The following EXD3 variants were observed in gnomAD, a reference collection of about 807,000 sequenced individuals.
EXD3 encodes exonuclease 3'-5' domain containing 3, also known as exonuclease mut-7 homolog.
EXD3 carries 92 observed loss-of-function variants against 98.0 expected under a neutral mutation model. The observed-to-expected ratio is 0.94, with a 90% CI of 0.79 to 1.12. The LOEUF (loss-of-function observed/expected upper bound fraction) is 1.12, where lower values mean the gene tolerates loss of function less well. Among genes scored for constraint, EXD3 ranks in the 50% most tolerant of loss-of-function variants. The pLI, the probability that EXD3 is intolerant of heterozygous loss-of-function variation, is 0.00. For missense variants in EXD3, 1,222 were observed against 1,191.6 expected (o/e 1.03, Z -0.38); for synonymous variants, 569 against 526.0 (o/e 1.08, Z -1.12).
rs1289998493 is a variant in EXD3 at position 137,407,671 on chromosome 9, C to T, written c.-47-12267G>A. On this transcript the variant is annotated intron_variant, in intron 1 of 21. Transcript: ENST00000340951. The surrounding 1 kb of genome is among the most constrained non-coding windows in gnomAD (Gnocchi z 4.4). ...CCCCAGACACACCCACGGCCGTCCA[C>T]CATCCAAGCATAAACCCCAACGCAG... is the stretch of plus-strand genomic sequence containing the variant. Among the ~76,000 whole-genome samples the T allele has an allele frequency of 6.6e-6, 1 of 152,222 alleles. No homozygotes were observed. Among genetic ancestry groups the T allele is most frequent in the East Asian group, 1.9e-4 (1 of 5,194 alleles).
intron 5 of EXD3, among the ~76,000 whole-genome samples, chr9:137,369,102 C>T (rs1197337588): frequency 6.8e-5 from 6 of 87,640 alleles, no homozygotes; most frequent in Admixed American, 2.9e-4. Context: ...GCGCAGGGCC[C>T]GGGGCGTGGG....
At chr9:137,366,758 C>G (rs1835282351) in intron 6 of EXD3, 126 bp from the exon 7 acceptor site, 1 of 1,233,204 alleles carries the variant, frequency 8.1e-7, no homozygotes, top group Non-Finnish European at 1.1e-6. Flanking sequence ...CCAGGCCCAG[C>G]AGTGCTCGCC....
Position 137,348,074 on chromosome 9 carries a change from G to A in EXD3, c.1995C>T (p.Ala665=), listed in dbSNP as rs776730395. ...LGNGEDHRRA[A]EVARQEGRII... ...AAGACCCTCCCCGCAAACTCACCTCGGCCGCCCTGCGGTGGTCTTCACCAT... is the reference window on the plus strand; with the variant it reads ...AAGACCCTCCCCGCAAACTCACCTCAGCCGCCCTGCGGTGGTCTTCACCAT... The change falls in exon 17 of 22, where the codon GCC becomes GCT. Residue 665 remains alanine (A), a synonymous_variant. Transcript: ENST00000340951. 18 of 1,609,918 alleles carry A rather than the reference G, an allele frequency of 1.1e-5. No homozygotes were observed. In the Admixed American group the frequency reaches 1.5e-4, roughly 14 times the overall value.
chr9:137,307,824 C>A (rs1055400317), intron 20 of EXD3, among the ~76,000 whole-genome samples, 178 bp from the exon 21 acceptor site: 2 of 152,180 alleles, frequency 1.3e-5, no homozygotes, highest in African/African-American at 2.4e-5. Context: ...AGCTGTGGTA[C>A]CGGCCTGGTC....
chr9:137,361,530 G>A lies in EXD3; in HGVS notation c.656+4963C>T, dbSNP rs1248690883. Among the ~76,000 whole-genome samples the A allele has an allele frequency of 1.6e-5, 2 of 126,840 alleles. 1 individual carries two copies. Among genetic ancestry groups the A allele is most frequent in the African/African-American group, 5.4e-5 (2 of 36,972 alleles). The allele number at this position is 126,840 out of a possible 152,430, so 83.2% of individuals were successfully genotyped here. A position where few individuals can be genotyped will look rare whatever the true frequency, so the allele number is the denominator to read the frequency against. On this transcript the variant is annotated intron_variant, in intron 7 of 21. Transcript: ENST00000340951. Reference sequence around the variant, plus strand: ...TGGGAGGCCAAGGTGGGTGGATTACGAGGTCAGGAGATCGAGACCATCCTG... The same window carrying A: ...TGGGAGGCCAAGGTGGGTGGATTACAAGGTCAGGAGATCGAGACCATCCTG...
chr9:137,384,140 TG>T (rs1270028169), intron 2 of EXD3, among the ~76,000 whole-genome samples: 1 of 152,110 alleles, frequency 6.6e-6, no homozygotes, highest in Admixed American at 6.5e-5. Flanking sequence ...CCCCTGGACC[TG>T]GGGGGCTGTG....
At chr9:137,330,617 C>G (rs1014188800) in intron 17 of EXD3, among the ~76,000 whole-genome samples, 1 of 136,730 alleles carries the variant, frequency 7.3e-6, no homozygotes, top group Non-Finnish European at 1.5e-5. Context: ...CACAGGACTA[C>G]ACAGGAACTA....
At chr9:137,365,785 G>T (rs111216567) in intron 7 of EXD3, 1 of 288,928 alleles carries the variant, frequency 3.5e-6, no homozygotes, top group South Asian at 2.9e-5. Context: ...GAAAACACAC[G>T]TACACCTGCA....
intron 6 of EXD3, among the ~76,000 whole-genome samples, chr9:137,367,349 C>G (rs928849572): frequency 6.6e-6 from 1 of 152,164 alleles, no homozygotes; most frequent in Non-Finnish European, 1.5e-5. Context: ...ACACCCCTCC[C>G]TCTTTAGGGA....
chr9:137,383,296 C>A lies in EXD3; in HGVS notation c.120+17G>T. 6.5e-7 allele frequency: 1 copy of A among 1,547,158 alleles called. No homozygotes were observed. The highest frequency in any genetic ancestry group is 1.2e-5 in the South Asian group (1 of 83,954). ...CTGGCTGTGACTTGGCACGTGGTGG[C>A]TGCCACGTCCACTCACCTGCTTCCG... On this transcript the variant is annotated intron_variant, in intron 3 of 21. Transcript: ENST00000340951.
chr9:137,342,427 C>T (rs1208016457), intron 17 of EXD3, among the ~76,000 whole-genome samples: 1 of 152,136 alleles, frequency 6.6e-6, no homozygotes, highest in Non-Finnish European at 1.5e-5. Flanking sequence ...CAGGAGCCGT[C>T]TCCCAGGGGA....
At chr9:137,352,286 C>T in intron 11 of EXD3, 85 bp from the exon 12 acceptor site, 1 of 1,565,478 alleles carries the variant, frequency 6.4e-7, no homozygotes, top group Middle Eastern at 1.8e-4. Flanking sequence ...GCATTCAGGG[C>T]CTGTTTGGTG....
At chr9:137,344,177 C>T (rs1415293160) in intron 17 of EXD3, among the ~76,000 whole-genome samples, 1 of 152,096 alleles carries the variant, frequency 6.6e-6, no homozygotes, top group Non-Finnish European at 1.5e-5. Flanking sequence ...AGGTGTGAGC[C>T]ACTGCGCCCG....
rs751178856 is a variant in EXD3 at position 137,352,772 on chromosome 9, C to A, written c.885G>T (p.Gln295His). The A allele has an allele frequency of 6.3e-7, 1 of 1,582,208 alleles. No homozygotes were observed. Among genetic ancestry groups the A allele is most frequent in the South Asian group, 1.2e-5 (1 of 86,554 alleles). Residue 295 changes from glutamine (Q) to histidine (H), a missense_variant, in exon 11 of 22, where the codon CAG becomes CAT. Coordinates refer to ENST00000340951, the MANE Select transcript of EXD3 (RefSeq NM_017820.5). ...WTDHVQGLVG[Q>H]SPWLQEQLSQ... ...ACAGCTGCTCCTGAAGCCACGGGCT[C>A]TGCCCCACCAGGCCCTGTGAGGAGG...
intron 5 of EXD3, among the ~76,000 whole-genome samples, chr9:137,368,860 C>T (rs1349535230): frequency 6.9e-6 from 1 of 144,064 alleles, no homozygotes; most frequent in Non-Finnish European, 1.5e-5. Flanking sequence ...GGGCGGGGGT[C>T]TCAGGGCCGT....
Position 137,352,755 on chromosome 9 carries a change from T to C in EXD3, c.902A>G (p.Glu301Gly). 1.3e-6 allele frequency: 2 copies of C among 1,578,990 alleles called. No individual in the cohort carries two copies. Among genetic ancestry groups the C allele is most frequent in the Non-Finnish European group, 8.6e-7 (1 of 1,164,360 alleles). ...GGAGACCAGCAGCTGAGACAGCTGC[T>C]CCTGAAGCCACGGGCTCTGCCCCAC... ...GLVGQSPWLQEQLSQLLVSHS... is the reference protein window; with the variant it reads ...GLVGQSPWLQGQLSQLLVSHS... Residue 301 changes from glutamate (E) to glycine (G), a missense_variant, in exon 11 of 22, where the codon GAG becomes GGG. Physicochemically the swap from Glu to Gly is moderately conservative, Grantham distance 98 (BLOSUM62 -2). Transcript: ENST00000340951.
Position 137,347,546 on chromosome 9 carries a change from C to T in EXD3, c.1998+525G>A, listed in dbSNP as rs549984799. 2.0e-5 allele frequency among the ~76,000 whole-genome samples: 3 copies of T among 151,846 alleles called. No homozygotes were observed. The highest frequency in any genetic ancestry group is 2.1e-4 in the South Asian group (1 of 4,802). Reference sequence around the variant, plus strand: ...GTAACCTCTGCCTCCGGTGTTTAAGCGATTCTCGTGTCTCAGCCTCCTGAG... The same window carrying T: ...GTAACCTCTGCCTCCGGTGTTTAAGTGATTCTCGTGTCTCAGCCTCCTGAG... On this transcript the variant is annotated intron_variant, in intron 17 of 21. Coordinates refer to ENST00000340951, the MANE Select transcript of EXD3 (RefSeq NM_017820.5). The surrounding 1 kb of genome is among the most constrained non-coding windows in gnomAD (Gnocchi z 4.2).
intron 7 of EXD3, among the ~76,000 whole-genome samples, chr9:137,358,562 G>T (rs922943023): frequency 6.6e-6 from 1 of 152,132 alleles, no homozygotes; most frequent in Non-Finnish European, 1.5e-5. Context: ...TCTGTCTTCC[G>T]GGTTCCAGCT....
intron 17 of EXD3, among the ~76,000 whole-genome samples, chr9:137,344,000 T>A (rs953798764): frequency 4.1e-5 from 6 of 145,486 alleles, no homozygotes; most frequent in African/African-American, 1.5e-4. Flanking sequence ...CACGCCATTC[T>A]CCTGCCTCAG....
Sources: gnomAD v4.1 joint callset for allele counts (sites outside exome capture counted in the v4.1 genomes callset) on GRCh38, gnomAD v4.1.1 for gene constraint, Gnocchi (gnomAD v3.1) non-coding constraint, MANE v1.5 for transcripts, NCBI Gene and HGNC (gene_info 2026-07-23, HGNC 2026-07-21) for gene names.